WDPCP: variants seen among roughly 807,000 people sequenced by gnomAD.
WDPCP encodes WD repeat containing planar cell polarity effector.
Under a neutral mutation model 93.1 loss-of-function variants are expected in WDPCP, and 71 were observed. That is an observed-to-expected ratio of 0.76 (90% CI 0.63 to 0.93). The LOEUF (loss-of-function observed/expected upper bound fraction) is 0.93, where lower values mean the gene tolerates loss of function less well. Among genes scored for constraint, WDPCP ranks in the 40% least tolerant of loss-of-function variants. WDPCP has a pLI of 0.00. For synonymous variants in WDPCP, 315 were observed against 315.0 expected, an observed-to-expected ratio of 1.00 and a Z score of 0.00; for missense variants, 844 against 887.4, an observed-to-expected ratio of 0.95 and a Z score of 0.62.
intron 13 of WDPCP, 63 bp from the exon 14 acceptor site, chr2:63,259,472 G>T: frequency 8.1e-7 from 1 of 1,237,484 alleles, no homozygotes; most frequent in Non-Finnish European, 1.2e-6. Flanking sequence ...TTACAAGGAG[G>T]ATTTTGAAGG....
At chr2:63,184,855 A>C (rs1418490852) in intron 14 of WDPCP, among the ~76,000 whole-genome samples, 7 of 152,100 alleles carry the variant, frequency 4.6e-5, no homozygotes, top group Non-Finnish European at 8.8e-5. Flanking sequence ...AATGATTCGT[A>C]AGTTTAGATT....
intron 12 of WDPCP, among the ~76,000 whole-genome samples, chr2:63,344,067 G>A (rs1015606765): frequency 2.0e-5 from 3 of 151,826 alleles, no homozygotes; most frequent in Admixed American, 2.0e-4. Context: ...TTATGTGAAT[G>A]GGCCATACCT....
chr2:63,622,708 G>A (rs1307848988), intron 3 of WDPCP: 6 of 1,613,602 alleles, frequency 3.7e-6, no homozygotes, highest in East Asian at 2.2e-5. Context: ...GTCACCTCCC[G>A]GTGTACTATG....
chr2:63,544,896 C>A (rs143741764), intron 1 of WDPCP, among the ~76,000 whole-genome samples: 1 of 152,096 alleles, frequency 6.6e-6, no homozygotes, highest in East Asian at 1.9e-4. Flanking sequence ...TAATAATGTA[C>A]CTGATTATTA....
chr2:63,228,639 G>A (rs1274641470), intron 14 of WDPCP: 1 of 151,150 alleles, frequency 6.6e-6, no homozygotes, highest in Non-Finnish European at 1.5e-5. Flanking sequence ...GTGTCCATGT[G>A]TTCTCATTGT....
chr2:63,481,691 G>A (rs1700273233), intron 6 of WDPCP, among the ~76,000 whole-genome samples: 1 of 151,878 alleles, frequency 6.6e-6, no homozygotes, highest in Non-Finnish European at 1.5e-5. Context: ...AGTTTGATGT[G>A]AGGATGCAAA....
At chr2:63,654,500 T>C (rs970264314) in intron 2 of WDPCP, among the ~76,000 whole-genome samples, 3 of 152,232 alleles carry the variant, frequency 2.0e-5, no homozygotes, top group Non-Finnish European at 2.9e-5. Flanking sequence ...AATATTTGGA[T>C]GCCTTCTTCC....
intron 12 of WDPCP, among the ~76,000 whole-genome samples, chr2:63,352,219 T>G (rs1013464939): frequency 6.6e-6 from 1 of 152,220 alleles, no homozygotes; most frequent in Non-Finnish European, 1.5e-5. Flanking sequence ...TTCTATAGAT[T>G]GTCTGTTTAC....
At chr2:63,781,176 G>T (rs1463990263) in intron 2 of WDPCP, among the ~76,000 whole-genome samples, 1 of 152,170 alleles carries the variant, frequency 6.6e-6, no homozygotes, top group East Asian at 1.9e-4. Flanking sequence ...AGATCTTGCT[G>T]TTTATTTCCT....
intron 12 of WDPCP, among the ~76,000 whole-genome samples, chr2:63,338,565 AAAAAAT>A (rs1450323276): frequency 4.0e-4 from 16 of 40,444 alleles, no homozygotes; most frequent in Admixed American, 1.1e-3. Flanking sequence ...AAAAAAAAAA[AAAAAAT>A]ATATATATAT....
intron 1 of WDPCP, among the ~76,000 whole-genome samples, chr2:63,578,248 TATC>T (rs2106532028): frequency 6.6e-6 from 1 of 152,322 alleles, no homozygotes; most frequent in East Asian, 1.9e-4. Context: ...TTTTCAGCAT[TATC>T]ATTATTTAAA....
At chr2:63,258,832 T>A (rs1681360395) in intron 14 of WDPCP, among the ~76,000 whole-genome samples, 1 of 152,152 alleles carries the variant, frequency 6.6e-6, no homozygotes, top group South Asian at 2.1e-4. Context: ...TCTGTCTTCT[T>A]CAGAATACTA....
Position 63,548,942 on chromosome 2 carries a change from A to C in WDPCP, c.75+39255T>G, listed in dbSNP as rs563529845. Among the ~76,000 whole-genome samples, 133 of 152,346 alleles carry C rather than the reference A, an allele frequency of 8.7e-4. No individual in the cohort carries two copies. The Middle Eastern group carries it at 0.01, about 12-fold the overall frequency. ...GAAAAAGTTTTAAGTATGTATGTTAAACAGTGATGAAAATATCATCTGTTG... is the reference window on the plus strand; with the variant it reads ...GAAAAAGTTTTAAGTATGTATGTTACACAGTGATGAAAATATCATCTGTTG... On this transcript the variant is annotated intron_variant, in intron 1 of 17. Transcript: ENST00000272321.
intron 3 of WDPCP, among the ~76,000 whole-genome samples, chr2:63,642,221 G>A (rs2106634454): frequency 6.6e-6 from 1 of 152,062 alleles, no homozygotes; most frequent in African/African-American, 2.4e-5. Flanking sequence ...CTATCTTGAT[G>A]TGGTATAATT....
intron 2 of WDPCP, among the ~76,000 whole-genome samples, chr2:63,772,385 G>T (rs1200289566): frequency 6.6e-6 from 1 of 151,782 alleles, no homozygotes; most frequent in Non-Finnish European, 1.5e-5. Context: ...ATTTGGTTTT[G>T]CTTGCTGAAT....
At position 63,403,876 on chromosome 2, in the gene WDPCP, T is replaced by C. The variant is rs1056395691; in HGVS notation, c.1435+172A>G. On this transcript the variant is annotated intron_variant, in intron 10 of 17. Coordinates refer to ENST00000272321, the MANE Select transcript of WDPCP (RefSeq NM_015910.7). ...AAATTATTCAATATCTAGTGTTCCT[T>C]TGGCAGTTAGAAAGTCATCCACAAA... The C allele has an allele frequency of 7.2e-6, 6 of 838,978 alleles. No homozygotes were observed. The African/African-American group carries it at 8.6e-5, about 12-fold the overall frequency. The allele number at this position is 838,978 out of a possible 1,614,324, so 52.0% of individuals were successfully genotyped here.
intron 2 of WDPCP, among the ~76,000 whole-genome samples, chr2:63,810,443 C>T (rs867994415): frequency 6.6e-6 from 1 of 152,110 alleles, no homozygotes; most frequent in African/African-American, 2.4e-5. Flanking sequence ...AATAAGAAGA[C>T]AGGAAAAGCT....
chr2:63,395,123 A>G (rs751800938), intron 10 of WDPCP, among the ~76,000 whole-genome samples: 1 of 152,218 alleles, frequency 6.6e-6, no homozygotes, highest in African/African-American at 2.4e-5. Context: ...CTAACGTTGA[A>G]GATTGTCACA....
chr2:63,287,950 GCAGGTATA>G (rs1326425676), intron 13 of WDPCP, among the ~76,000 whole-genome samples: 1 of 152,174 alleles, frequency 6.6e-6, no homozygotes, highest in African/African-American at 2.4e-5. Flanking sequence ...TCAGAAGTTA[GCAGGTATA>G]AAACTCCTCT....
Sources: gnomAD v4.1 joint callset for allele counts (sites outside exome capture counted in the v4.1 genomes callset) on GRCh38, gnomAD v4.1.1 for gene constraint, MANE v1.5 for transcripts, NCBI Gene and HGNC (gene_info 2026-07-23, HGNC 2026-07-21) for gene names.